Variants in SDC3 observed in about 807,000 individuals in gnomAD.
The protein encoded by SDC3 is syndecan-3.
In SDC3, 13 loss-of-function variants were observed where a neutral mutation model predicts 24.4. The ratio of observed to expected loss-of-function variants is 0.53; its 90% CI spans 0.35 to 0.85. The LOEUF is 0.85. Ranked by LOEUF, SDC3 falls within the 40% of genes least tolerant of loss-of-function variation. The pLI, the probability that SDC3 is intolerant of heterozygous loss-of-function variation, is 0.01. For synonymous variants in SDC3, 295 were observed against 260.9 expected (o/e 1.13, Z -1.26); for missense variants, 571 against 584.5 (o/e 0.98, Z 0.24).
intron 1 of SDC3, among the ~76,000 whole-genome samples, chr1:30,885,085 GCAGATGGCTCTCT>G (rs1639808798): frequency 6.6e-6 from 1 of 152,192 alleles, no homozygotes; most frequent in South Asian, 2.1e-4. Context: ...ATAGGAATAT[GCAGATGGCTCTCT>G]CAATTCCGAT....
intron 1 of SDC3, among the ~76,000 whole-genome samples, chr1:30,905,299 TCCCCCACCCCACCCCACCCCCA>T (rs1355478994): frequency 2.4e-5 from 2 of 82,572 alleles, no homozygotes; most frequent in Non-Finnish European, 5.0e-5. Context: ...CCCTACTAAT[TCCCCCACCCCACCCCACCCCCA>T]CCCCCACCCC....
rs1639655302 is a variant in SDC3, at chr1:30,877,027, T to A, written c.395A>T (p.Glu132Val). The change falls in exon 3 of 5, where the codon GAG (glutamate) becomes GTG (valine). Residue 132 changes from glutamate to valine, a missense_variant. Physicochemically the swap from Glu to Val is moderately radical, Grantham distance 121. Coordinates refer to ENST00000339394, the MANE Select transcript of SDC3 (RefSeq NM_014654.4). ...GGTGGCTGGCTCCAGGGTGGGGCGC[T>A]CAGAGGGGAGCTCTTCAAATGGTGT... Reference protein sequence around the residue: ...VGTPFEELPSERPTLEPATSP... With the variant: ...VGTPFEELPSVRPTLEPATSP... 6.2e-7 allele frequency: 1 copy of A among 1,613,670 alleles called. No individual in the cohort carries two copies. Among genetic ancestry groups the A allele is most frequent in the South Asian group, 1.1e-5 (1 of 91,076 alleles).
In SDC3 at chr1:30,870,943, C is replaced by G. The variant is rs1270197842; in HGVS notation, c.*2268G>C. 6.6e-6 allele frequency: 1 copy of G among 152,446 alleles called. No individual in the cohort carries two copies. Among genetic ancestry groups the G allele is most frequent in the African/African-American group, 2.4e-5 (1 of 41,468 alleles). 9.4% of individuals were successfully genotyped at this position (152,446 alleles called of 1,614,324 possible). On this transcript the variant is annotated 3_prime_UTR_variant, in exon 5 of 5. Transcript: ENST00000339394. ...TGTGCTCTCCAAGACAGCAGCACCC[C>G]AGGGAGCAGGGTAGGGAGGCTGAGC...
chr1:30,894,638 GGT>G (rs143268671), intron 1 of SDC3, among the ~76,000 whole-genome samples: 9,769 of 45,472 alleles, frequency 0.21, 1,070 homozygotes, highest in African/African-American at 0.45. Flanking sequence ...AGAGTGTGTG[GGT>G]GTGTGTGGGG....
chr1:30,899,087 G>A (rs181658462), intron 1 of SDC3, among the ~76,000 whole-genome samples: 28 of 152,204 alleles, frequency 1.8e-4, no homozygotes, highest in Non-Finnish European at 3.8e-4. Flanking sequence ...CCACTTCTTC[G>A]TTTCGTTGTT....
Position 30,895,071 on chromosome 1 carries a change from CCA to C in SDC3, c.138+13376_138+13377del, listed in dbSNP as rs560789153. ...GAGAGCATCTCCCAACTTCCTTAATCCACAGTGTTGCGGGTAAGCCCCTGGAG... is the reference window on the plus strand; with the variant it reads ...GAGAGCATCTCCCAACTTCCTTAATCCAGTGTTGCGGGTAAGCCCCTGGAG... On this transcript the variant is annotated intron_variant, in intron 1 of 4. Transcript: ENST00000339394. 8.7e-4 allele frequency among the ~76,000 whole-genome samples: 133 copies of C among 152,180 alleles called. 1 individual carries two copies. The highest frequency in any genetic ancestry group is 2.9e-3 in the African/African-American group (122 of 41,484).
At chr1:30,876,374 T>C (rs1416589965) in intron 3 of SDC3, among the ~76,000 whole-genome samples, 178 bp downstream of exon 3, 1 of 152,136 alleles carries the variant, frequency 6.6e-6, no homozygotes, top group East Asian at 1.9e-4. Flanking sequence ...GCCCTCGTTT[T>C]CTGTCCCTCT....
chr1:30,909,114 T>C (rs1312335246), upstream of SDC3, among the ~76,000 whole-genome samples: 1 of 152,046 alleles, frequency 6.6e-6, no homozygotes, highest in African/African-American at 2.4e-5. Context: ...AGGGGTCGCA[T>C]GGGCGTTTTC....
intron 3 of SDC3, among the ~76,000 whole-genome samples, chr1:30,875,415 C>A (rs1310776514): frequency 1.3e-5 from 2 of 152,198 alleles, no homozygotes; most frequent in African/African-American, 2.4e-5. Flanking sequence ...AAACACCAGG[C>A]TGCCCCAGCT....
At chr1:30,894,701 T>C (rs78366654) in intron 1 of SDC3, among the ~76,000 whole-genome samples, 4,544 of 139,304 alleles carry the variant, frequency 0.033, 89 homozygotes, top group Middle Eastern at 0.13. Context: ...GGTGAGAGTG[T>C]GTGGGTGTGT....
At position 30,891,678 on chromosome 1, in the gene SDC3, C is replaced by A. The variant is rs552512740; in HGVS notation, c.139-12938G>T. On this transcript the variant is annotated intron_variant, in intron 1 of 4. Transcript: ENST00000339394. ...GGATCACGAGATCAGGAGTTCGAGA[C>A]CCCGTCTCTACTAAAAATACAAAAA... 7.8e-4 allele frequency among the ~76,000 whole-genome samples: 118 copies of A among 151,918 alleles called. No homozygotes were observed. In the South Asian group the frequency reaches 9.8e-3, roughly 13 times the overall value.
At chr1:30,907,394 C>T (rs949170055) in intron 1 of SDC3, among the ~76,000 whole-genome samples, 2 of 152,196 alleles carry the variant, frequency 1.3e-5, no homozygotes, top group Admixed American at 1.3e-4. Flanking sequence ...AGGGTCACCT[C>T]ATACATACCA....
chr1:30,878,367 A>T, intron 2 of SDC3: 2 of 420,906 alleles, frequency 4.8e-6, no homozygotes, highest in Non-Finnish European at 8.7e-6. Context: ...GCCACATAGC[A>T]CACACAAAGA....
intron 1 of SDC3, among the ~76,000 whole-genome samples, chr1:30,887,074 C>T (rs1639839325): frequency 6.6e-6 from 1 of 152,144 alleles, no homozygotes; most frequent in South Asian, 2.1e-4. Context: ...ACCAGCACCA[C>T]CTCACACTCA....
Position 30,869,861 on chromosome 1 carries a change from G to A in SDC3, c.*3350C>T, listed in dbSNP as rs962032011. ...GGCTCTCTGGAGCCACGCTGCCTAC[G>A]AAAAATATTTACATGCATTTGCCAC... On this transcript the variant is annotated 3_prime_UTR_variant, in exon 5 of 5. Coordinates refer to ENST00000339394, the MANE Select transcript of SDC3 (RefSeq NM_014654.4). 1.5e-4 allele frequency: 58 copies of A among 398,500 alleles called. No homozygotes were observed. Among genetic ancestry groups the A allele is most frequent in the African/African-American group, 8.4e-4 (41 of 48,610 alleles). 24.7% of individuals were successfully genotyped at this position (398,500 alleles called of 1,614,324 possible).
intron 1 of SDC3, among the ~76,000 whole-genome samples, chr1:30,881,636 G>A (rs1639746743): frequency 1.3e-5 from 2 of 152,216 alleles, no homozygotes; most frequent in African/African-American, 4.8e-5. Context: ...TCAGGTCCCA[G>A]GGGAGCCGCT....
Position 30,873,200 on chromosome 1 carries a change from C to G in SDC3, c.*11G>C. ...GTGGTGTTGAGGCTGCAGGGAGGCA[C>G]TGTGGCTCCACTAGGCATAGAACTC... On this transcript the variant is annotated 3_prime_UTR_variant, in exon 5 of 5. Coordinates refer to ENST00000339394, the MANE Select transcript of SDC3 (RefSeq NM_014654.4). 1.9e-6 allele frequency: 3 copies of G among 1,607,424 alleles called. No individual in the cohort carries two copies. Among genetic ancestry groups the G allele is most frequent in the Non-Finnish European group, 2.6e-6 (3 of 1,174,192 alleles).
chr1:30,892,185 T>C (rs1182099337), intron 1 of SDC3, among the ~76,000 whole-genome samples: 5 of 152,086 alleles, frequency 3.3e-5, no homozygotes, highest in Non-Finnish European at 7.4e-5. Flanking sequence ...CCCCTATCCC[T>C]GCAGCCCAGG....
At chr1:30,882,175 G>T (rs956106967) in intron 1 of SDC3, among the ~76,000 whole-genome samples, 1 of 152,160 alleles carries the variant, frequency 6.6e-6, no homozygotes, top group African/African-American at 2.4e-5. Context: ...GCCATTAACA[G>T]GTCCACAATA....
Sources: gnomAD v4.1 joint callset for allele counts (sites outside exome capture counted in the v4.1 genomes callset) on GRCh38, gnomAD v4.1.1 for gene constraint, MANE v1.5 for transcripts, NCBI Gene and HGNC (gene_info 2026-07-23, HGNC 2026-07-21) for gene names.